CLTC: variants seen among roughly 807,000 people sequenced by gnomAD.
CLTC encodes clathrin heavy chain.
In CLTC, 16 loss-of-function variants were observed where a neutral mutation model predicts 195.8. The observed-to-expected ratio is 0.08, with a 90% confidence interval of 0.06 to 0.12. The LOEUF is 0.12. Ranked by LOEUF, CLTC falls within the 10% of genes least tolerant of loss-of-function variation. The probability of loss-of-function intolerance (pLI) is 1.00; values close to 1 mark genes in which losing one functional copy is unlikely to be tolerated. For synonymous variants in CLTC, 667 were observed against 689.4 expected, an observed-to-expected ratio of 0.97 and a Z score of 0.51; for missense variants, 796 against 2,027.0, an observed-to-expected ratio of 0.39 and a Z score of 11.66.
intron 18 of CLTC, 94 bp downstream of exon 18, chr17:59,679,613 T>G: frequency 8.5e-7 from 1 of 1,175,576 alleles, no homozygotes; most frequent in South Asian, 2.1e-5. Flanking sequence ...CTCAAATGGA[T>G]CATATATAAC....
At position 59,648,190 on chromosome 17, in the gene CLTC, AG is replaced by A; in HGVS notation, c.520-49del. Reference sequence around the variant, plus strand: ...TATTTCATTACTTGATGAATCTGAGAGTTTTTGATTTATGGGTCTTCAAACG... The same window carrying A: ...TATTTCATTACTTGATGAATCTGAGATTTTTGATTTATGGGTCTTCAAACG... On this transcript the variant is annotated intron_variant, in intron 3 of 31. Transcript: ENST00000269122. The surrounding 1 kb of genome is among the most constrained non-coding windows in gnomAD (Gnocchi z 4.5). The A allele has an allele frequency of 6.6e-7, 1 of 1,507,096 alleles. No homozygotes were observed. Among genetic ancestry groups the A allele is most frequent in the Non-Finnish European group, 9.0e-7 (1 of 1,108,994 alleles). The allele number at this position is 1,507,096 out of a possible 1,614,324, so 93.4% of individuals were successfully genotyped here. A position where few individuals can be genotyped will look rare whatever the true frequency, so the allele number is the denominator to read the frequency against.
intron 10 of CLTC, 142 bp downstream of exon 10, chr17:59,665,051 C>A: frequency 9.6e-7 from 1 of 1,044,548 alleles, no homozygotes; most frequent in Non-Finnish European, 1.3e-6. Context: ...ATTGTGAGAC[C>A]CTGTAACTAC....
chr17:59,628,090 C>G (rs1047351359), intron 1 of CLTC, among the ~76,000 whole-genome samples: 1 of 152,170 alleles, frequency 6.6e-6, no homozygotes, highest in Admixed American at 6.5e-5. Flanking sequence ...GTTAATACTT[C>G]TTGTTCCTAA....
chr17:59,695,760 C>CT lies in CLTC; in HGVS notation c.*1911dup, dbSNP rs1394928998. ...AGTGAAGAATACAATGGTGCCCCTG[C>CT]TTTGATTTGTGGGAGGTGCCATCAG... On this transcript the variant is annotated 3_prime_UTR_variant, in exon 32 of 32. Transcript: ENST00000269122. 1.0e-5 allele frequency: 2 copies of CT among 193,602 alleles called. No homozygotes were observed. Among genetic ancestry groups the CT allele is most frequent in the Non-Finnish European group, 2.2e-5 (2 of 92,938 alleles). 12.0% of individuals were successfully genotyped at this position (193,602 alleles called of 1,614,324 possible). A position where few individuals can be genotyped will look rare whatever the true frequency, so the allele number is the denominator to read the frequency against.
At chr17:59,692,803 AT>A (rs1245571352) in intron 31 of CLTC, among the ~76,000 whole-genome samples, 1 of 151,468 alleles carries the variant, frequency 6.6e-6, no homozygotes, top group Non-Finnish European at 1.5e-5. Flanking sequence ...CGCCCGGCTA[AT>A]TTTTTTTGTA....
At chr17:59,664,077 T>G in intron 9 of CLTC, 83 bp downstream of exon 9, 1 of 1,141,570 alleles carries the variant, frequency 8.8e-7, no homozygotes, top group Non-Finnish European at 1.2e-6. Context: ...CTTGATTACT[T>G]TAATAGTGAA....
rs533871121 is a variant in CLTC at position 59,632,275 on chromosome 17, G to A, written c.43-12001G>A. Among the ~76,000 whole-genome samples, 10 of 150,982 alleles carry A rather than the reference G, an allele frequency of 6.6e-5. No homozygotes were observed. In the South Asian group the frequency reaches 2.1e-3, roughly 31 times the overall value. On this transcript the variant is annotated intron_variant, in intron 1 of 31. Coordinates refer to ENST00000269122, the MANE Select transcript of CLTC (RefSeq NM_004859.4). Reference sequence around the variant, plus strand: ...CCCAGCTACTCGGGAGGCTGAGGCAGCAGAATGGCGTGAACCCAGGAGGCG... The same window carrying A: ...CCCAGCTACTCGGGAGGCTGAGGCAACAGAATGGCGTGAACCCAGGAGGCG...
intron 6 of CLTC, among the ~76,000 whole-genome samples, chr17:59,659,069 T>G (rs1214140457): frequency 6.6e-6 from 1 of 152,248 alleles, no homozygotes; most frequent in African/African-American, 2.4e-5. Flanking sequence ...ATTCATTTAT[T>G]CAACAAATTA....
At chr17:59,673,535 C>G (rs773780960) in intron 14 of CLTC, 112 bp from the exon 15 acceptor site, 1 of 734,914 alleles carries the variant, frequency 1.4e-6, no homozygotes, top group African/African-American at 1.8e-5. Flanking sequence ...AACAGAAGAG[C>G]TATGTTTGTG....
In CLTC at chr17:59,666,763, A is replaced by G; in HGVS notation, c.1948-34A>G. ...CCACCATGAGGTTCAACATTATTTCATTTATTCATTCATTCATTTATTTTG... is the reference window on the plus strand; with the variant it reads ...CCACCATGAGGTTCAACATTATTTCGTTTATTCATTCATTCATTTATTTTG... On this transcript the variant is annotated intron_variant, in intron 12 of 31. Coordinates refer to ENST00000269122, the MANE Select transcript of CLTC (RefSeq NM_004859.4). This position sits in a 1 kb window ranked among gnomAD's most constrained non-coding sequence, Gnocchi z 4.9. 6.3e-7 allele frequency: 1 copy of G among 1,583,666 alleles called. No homozygotes were observed. Among genetic ancestry groups the G allele is most frequent in the Non-Finnish European group, 8.6e-7 (1 of 1,159,804 alleles).
chr17:59,625,191 C>T (rs1022015783), intron 1 of CLTC, among the ~76,000 whole-genome samples: 8 of 151,714 alleles, frequency 5.3e-5, no homozygotes, highest in African/African-American at 1.9e-4. Flanking sequence ...TCATTGCAAC[C>T]TCCGCCTTCC....
At position 59,683,805 on chromosome 17, in the gene CLTC, T is replaced by C; in HGVS notation, c.4323+49T>C. 2 of 1,612,930 alleles carry C rather than the reference T, an allele frequency of 1.2e-6. No individual in the cohort carries two copies. Among genetic ancestry groups the C allele is most frequent in the East Asian group, 2.2e-5 (1 of 44,858 alleles). ...AGCTTCATAGCAAGGAATTAGGACA[T>C]ACTTCGATAACTTTTGTCCCTGGGA... On this transcript the variant is annotated intron_variant, in intron 27 of 31. Coordinates refer to ENST00000269122, the MANE Select transcript of CLTC (RefSeq NM_004859.4). The surrounding 1 kb of genome is among the most constrained non-coding windows in gnomAD (Gnocchi z 6.1).
intron 30 of CLTC, among the ~76,000 whole-genome samples, chr17:59,686,310 C>A (rs1165294641): frequency 1.3e-5 from 2 of 150,272 alleles, no homozygotes; most frequent in Non-Finnish European, 3.0e-5. Flanking sequence ...AAAAAAAAAA[C>A]AAGCTGGGGG....
intron 1 of CLTC, among the ~76,000 whole-genome samples, chr17:59,631,339 A>G (rs1263006615): frequency 6.6e-6 from 1 of 152,218 alleles, no homozygotes; most frequent in Non-Finnish European, 1.5e-5. Context: ...CATTTGCTGT[A>G]GAACTCTCTG....
chr17:59,693,843 C>T lies in CLTC; in HGVS notation c.5019C>T (p.Tyr1673=). 2 of 1,610,906 alleles carry T rather than the reference C, an allele frequency of 1.2e-6. No individual in the cohort carries two copies. The highest frequency in any genetic ancestry group is 1.7e-4 in the Middle Eastern group (1 of 6,054). The part of the protein sequence containing the change: ...PYGQPQPGFG[Y]SM ...GACAGCCACAGCCTGGCTTTGGGTA[C>T]AGCATGTGAGATGAAGCGCTGATCC... The change falls in exon 32 of 32, where the codon TAC becomes TAT. Residue 1673 remains tyrosine, a synonymous_variant. Transcript: ENST00000269122.
At position 59,683,044 on chromosome 17, in the gene CLTC, A is replaced by G; in HGVS notation, c.3873+30A>G. The G allele has an allele frequency of 6.2e-7, 1 of 1,613,936 alleles. No homozygotes were observed. The highest frequency in any genetic ancestry group is 8.5e-7 in the Non-Finnish European group (1 of 1,179,866). ...TAACGAGACTTTTATATGACCTGAG[A>G]TCTTTTACCATAGATATTCTTATCT... is the stretch of plus-strand genomic sequence containing the variant. On this transcript the variant is annotated intron_variant, in intron 24 of 31. Transcript: ENST00000269122. This position sits in a 1 kb window ranked among gnomAD's most constrained non-coding sequence, Gnocchi z 6.1.
Position 59,683,763 on chromosome 17 carries a change from T to G in CLTC, c.4323+7T>G, listed in dbSNP as rs767177540. The G allele has an allele frequency of 8.7e-6, 14 of 1,613,978 alleles. No homozygotes were observed. The highest frequency in any genetic ancestry group is 8.3e-5 in the Admixed American group (5 of 59,990). ...AGTCAATTATTTCAGCAAGGTAAAGTAATAATTTTAAACCAAAGCTTCATA... is the reference window on the plus strand; with the variant it reads ...AGTCAATTATTTCAGCAAGGTAAAGGAATAATTTTAAACCAAAGCTTCATA... On this transcript the variant is annotated splice_region_variant and intron_variant, in intron 27 of 31. Coordinates refer to ENST00000269122, the MANE Select transcript of CLTC (RefSeq NM_004859.4). This position sits in a 1 kb window ranked among gnomAD's most constrained non-coding sequence, Gnocchi z 6.1.
In CLTC at chr17:59,673,537, A is replaced by G. The variant is rs560481609; in HGVS notation, c.2293-110A>G. 2.8e-4 allele frequency: 210 copies of G among 749,284 alleles called. 1 individual carries two copies. The highest frequency in any genetic ancestry group is 1.3e-3 in the Middle Eastern group (4 of 3,018). The allele number at this position is 749,284 out of a possible 1,614,324, so 46.4% of individuals were successfully genotyped here. ...ACATTCTTTCTTTAACAGAAGAGCT[A>G]TGTTTGTGTGAGCCTCTCTTGTTAG... On this transcript the variant is annotated intron_variant, in intron 14 of 31. Coordinates refer to ENST00000269122, the MANE Select transcript of CLTC (RefSeq NM_004859.4).
chr17:59,645,110 A>G (rs897342080), intron 2 of CLTC, among the ~76,000 whole-genome samples: 1 of 152,242 alleles, frequency 6.6e-6, no homozygotes, highest in African/African-American at 2.4e-5. Flanking sequence ...GAGGAAAGAA[A>G]TTAGTGATTC....
Sources: allele counts gnomAD v4.1 joint callset (sites outside exome capture counted in the v4.1 genomes callset), GRCh38; gene constraint gnomAD v4.1.1; non-coding constraint Gnocchi (gnomAD v3.1); transcripts MANE v1.5; gene names NCBI Gene and HGNC (gene_info 2026-07-23, HGNC 2026-07-21).